Variants in VSNL1 observed in about 807,000 individuals in gnomAD.
VSNL1 encodes visinin-like protein 1.
VSNL1 carries 6 observed loss-of-function variants against 20.4 expected under a neutral mutation model. The observed-to-expected ratio is 0.29, with a 90% CI of 0.16 to 0.58. The LOEUF (loss-of-function observed/expected upper bound fraction) is 0.58. Ranked by LOEUF, VSNL1 falls within the 20% of genes least tolerant of loss-of-function variation. VSNL1 has a pLI of 0.90. For synonymous variants in VSNL1, 93 were observed against 86.4 expected (o/e 1.08, Z -0.42); for missense variants, 100 against 234.5 (o/e 0.43, Z 3.75).
intron 2 of VSNL1, among the ~76,000 whole-genome samples, chr2:17,605,408 A>T (rs1294763846): frequency 6.6e-6 from 1 of 152,122 alleles, no homozygotes; most frequent in Non-Finnish European, 1.5e-5. Flanking sequence ...TGTGAAAAAA[A>T]GTTTAAGGAG....
intron 2 of VSNL1, among the ~76,000 whole-genome samples, chr2:17,627,437 T>A (rs985840880): frequency 3.9e-5 from 6 of 152,234 alleles, no homozygotes; most frequent in Admixed American, 1.3e-4. Flanking sequence ...AAAAGTGTAA[T>A]ACACACAGAG....
chr2:17,581,043 A>G (rs1183537051), intron 1 of VSNL1, among the ~76,000 whole-genome samples: 4 of 152,226 alleles, frequency 2.6e-5, no homozygotes, highest in African/African-American at 9.6e-5. Flanking sequence ...GTATAAAGCA[A>G]AAGTAAGTGG....
chr2:17,634,517 A>G lies in VSNL1; in HGVS notation c.163-14893A>G, dbSNP rs1037539329. On this transcript the variant is annotated intron_variant, in intron 2 of 3. Transcript: ENST00000295156. The surrounding 1 kb of genome is among the most constrained non-coding windows in gnomAD (Gnocchi z 4.3). ...GCAAGAAATAAAAAGGCAATGTGTG[A>G]CATTTCCCAAGGTGCAGACAATGCC... 5.9e-5 allele frequency among the ~76,000 whole-genome samples: 9 copies of G among 152,272 alleles called. No individual in the cohort carries two copies. In the South Asian group the frequency reaches 1.2e-3, roughly 21 times the overall value.
At chr2:17,590,626 A>C (rs938566550) in intron 1 of VSNL1, among the ~76,000 whole-genome samples, 1 of 152,182 alleles carries the variant, frequency 6.6e-6, no homozygotes, top group Admixed American at 6.5e-5. Flanking sequence ...TGGAAGTAGC[A>C]AGAGTGGCTT....
intron 1 of VSNL1, among the ~76,000 whole-genome samples, chr2:17,563,786 C>G (rs1026959146): frequency 4.6e-5 from 7 of 151,632 alleles, no homozygotes; most frequent in Admixed American, 4.6e-4. Context: ...GATCATGAAT[C>G]TAGAAAAAAA....
At chr2:17,552,210 A>C (rs1185536962) in intron 1 of VSNL1, among the ~76,000 whole-genome samples, 2 of 151,636 alleles carry the variant, frequency 1.3e-5, no homozygotes, top group African/African-American at 2.4e-5. Context: ...AAAAAAAAAA[A>C]AACAAAAAAA....
intron 1 of VSNL1, among the ~76,000 whole-genome samples, chr2:17,557,885 G>A (rs965400834): frequency 6.6e-6 from 1 of 152,172 alleles, no homozygotes; most frequent in East Asian, 1.9e-4. Context: ...CAAACCCGTG[G>A]TTGCTTTCCT....
At chr2:17,595,397 C>T (rs188660066) in intron 2 of VSNL1, among the ~76,000 whole-genome samples, 1 of 152,126 alleles carries the variant, frequency 6.6e-6, no homozygotes, top group Non-Finnish European at 1.5e-5. Context: ...TGTGTAATGA[C>T]AGAAATGTTT....
chr2:17,552,270 ATTAC>A (rs1479038579), intron 1 of VSNL1, among the ~76,000 whole-genome samples: 11 of 151,902 alleles, frequency 7.2e-5, no homozygotes, highest in Middle Eastern at 6.8e-3. Flanking sequence ...GCGTTACTTC[ATTAC>A]TTACAGCTTT....
At chr2:17,624,155 A>G (rs1299610231) in intron 2 of VSNL1, among the ~76,000 whole-genome samples, 3 of 152,198 alleles carry the variant, frequency 2.0e-5, no homozygotes, top group Admixed American at 6.5e-5. Flanking sequence ...AGTCTCCTAC[A>G]CTTGTTTCTG....
chr2:17,542,847 A>AGACC (rs1663318915), intron 1 of VSNL1, among the ~76,000 whole-genome samples: 1 of 152,232 alleles, frequency 6.6e-6, no homozygotes, highest in Admixed American at 6.5e-5. Context: ...AGTTAGGCAG[A>AGACC]GACCCTGTAA....
intron 1 of VSNL1, among the ~76,000 whole-genome samples, chr2:17,543,606 G>T (rs1409432262): frequency 6.6e-6 from 1 of 152,218 alleles, no homozygotes; most frequent in Non-Finnish European, 1.5e-5. Flanking sequence ...AAAGGGAAGG[G>T]ACAGAAAGAC....
At chr2:17,606,127 T>C (rs1331109662) in intron 2 of VSNL1, among the ~76,000 whole-genome samples, 1 of 152,192 alleles carries the variant, frequency 6.6e-6, no homozygotes, top group East Asian at 1.9e-4. Context: ...TGGACTCCAT[T>C]GCCAATGCTC....
chr2:17,545,837 C>A (rs1663393663), intron 1 of VSNL1, among the ~76,000 whole-genome samples: 1 of 152,014 alleles, frequency 6.6e-6, no homozygotes, highest in African/African-American at 2.4e-5. Context: ...TGTTCTATAC[C>A]CCTATCAGCT....
At chr2:17,592,640 C>CTTTTTTTTTTTTTTTTTTTTT (rs55756596) in intron 2 of VSNL1, among the ~76,000 whole-genome samples, 4 of 70,886 alleles carry the variant, frequency 5.6e-5, no homozygotes, top group African/African-American at 2.0e-4. Flanking sequence ...CTCTCTCTCT[C>CTTTTTTTTTTTTTTTTTTTTT]TTTTTTTTTT....
At chr2:17,544,960 C>A (rs565462186) in intron 1 of VSNL1, among the ~76,000 whole-genome samples, 1 of 152,154 alleles carries the variant, frequency 6.6e-6, no homozygotes, top group East Asian at 1.9e-4. Context: ...ATATAAGTCA[C>A]CTAATCCATC....
chr2:17,604,099 C>G (rs755117974), intron 2 of VSNL1, among the ~76,000 whole-genome samples: 13 of 152,192 alleles, frequency 8.5e-5, no homozygotes, highest in Non-Finnish European at 1.6e-4. Context: ...TGTAGGTGAG[C>G]TGCGGCCTTG....
intron 2 of VSNL1, among the ~76,000 whole-genome samples, chr2:17,605,322 C>T (rs886186857): frequency 6.6e-6 from 1 of 152,196 alleles, no homozygotes; most frequent in East Asian, 1.9e-4. Context: ...CTGTCTTGGC[C>T]TCCAATCCAT....
At chr2:17,603,590 G>T (rs1664880065) in intron 2 of VSNL1, among the ~76,000 whole-genome samples, 3 of 152,162 alleles carry the variant, frequency 2.0e-5, no homozygotes. Flanking sequence ...GGTAACCAAA[G>T]AAGTATCAGG....
Sources: allele counts gnomAD v4.1 joint callset (sites outside exome capture counted in the v4.1 genomes callset), GRCh38; gene constraint gnomAD v4.1.1; non-coding constraint Gnocchi (gnomAD v3.1); transcripts MANE v1.5; gene names NCBI Gene and HGNC (gene_info 2026-07-23, HGNC 2026-07-21).